Variants in NRXN1 observed in about 807,000 individuals in gnomAD.
The protein encoded by NRXN1 is neurexin 1, also known as neurexin-1.
A neutral mutation model predicts 150.9 loss-of-function variants in NRXN1; 39 were observed. The ratio of observed to expected loss-of-function variants is 0.26; its 90% confidence interval spans 0.20 to 0.34. The LOEUF (loss-of-function observed/expected upper bound fraction) is 0.34. NRXN1 is among the 10% of genes least tolerant of loss of function. The probability of loss-of-function intolerance (pLI) is 1.00; values close to 1 mark genes in which losing one functional copy is unlikely to be tolerated. For missense variants in NRXN1, 1,815 were observed against 1,949.9 expected, an observed-to-expected ratio of 0.93 and a Z score of 1.30; for synonymous variants, 924 against 757.0, an observed-to-expected ratio of 1.22 and a Z score of -3.62.
intron 8 of NRXN1, among the ~76,000 whole-genome samples, chr2:50,586,457 C>G (rs972877663): frequency 6.6e-6 from 1 of 152,040 alleles, no homozygotes; most frequent in Non-Finnish European, 1.5e-5. Context: ...GAGTCATTTT[C>G]CCTTTTGTTC....
At chr2:50,381,090 A>G (rs1292848399) in intron 17 of NRXN1, among the ~76,000 whole-genome samples, 1 of 152,138 alleles carries the variant, frequency 6.6e-6, no homozygotes, top group Non-Finnish European at 1.5e-5. Context: ...CCAGCATAAT[A>G]TCAGGGACAT....
intron 17 of NRXN1, among the ~76,000 whole-genome samples, chr2:50,256,307 T>A (rs1041124476): frequency 1.3e-5 from 2 of 152,128 alleles, no homozygotes; most frequent in South Asian, 4.1e-4. Context: ...TTAAACATAT[T>A]TAGCATTAGA....
chr2:50,768,403 A>G (rs1702606436), intron 5 of NRXN1, among the ~76,000 whole-genome samples: 1 of 151,808 alleles, frequency 6.6e-6, no homozygotes, highest in Non-Finnish European at 1.5e-5. Flanking sequence ...CCATCACCTG[A>G]GCTCTAGCCA....
rs1678402782 is a variant in NRXN1 at position 49,973,802 on chromosome 2, A to G, written c.4129-30011T>C. The stretch of plus-strand genomic sequence containing the variant: ...CACATACAGCGTGCATAAATTTGAC[A>G]TGCAATCTTCAAGAAGAAATATTTT... On this transcript the variant is annotated intron_variant, in intron 21 of 22. Coordinates refer to ENST00000401669, the MANE Select transcript of NRXN1 (RefSeq NM_001330078.2). 2.6e-5 allele frequency: 15 copies of G among 580,014 alleles called. No homozygotes were observed. The South Asian group carries it at 3.4e-4, about 13-fold the overall frequency. The allele number at this position is 580,014 out of a possible 1,614,324, so 35.9% of individuals were successfully genotyped here.
At chr2:50,899,930 T>C (rs535691757) in intron 5 of NRXN1, among the ~76,000 whole-genome samples, 2 of 152,274 alleles carry the variant, frequency 1.3e-5, no homozygotes, top group South Asian at 2.1e-4. Flanking sequence ...TCATGGGAGA[T>C]ACAGAAGATG....
intron 2 of NRXN1, 27 bp from the exon 3 acceptor site, chr2:50,925,982 G>C: frequency 6.4e-7 from 1 of 1,560,454 alleles, no homozygotes. Flanking sequence ...AGGAGGGAGA[G>C]AAAAGGAAAA....
intron 8 of NRXN1, among the ~76,000 whole-genome samples, chr2:50,591,611 A>T (rs1351625787): frequency 6.6e-6 from 1 of 152,098 alleles, no homozygotes; most frequent in Non-Finnish European, 1.5e-5. Context: ...GTTTCCTCAC[A>T]TCTTATTCCA....
At chr2:50,648,454 C>A (rs1444037061) in intron 5 of NRXN1, among the ~76,000 whole-genome samples, 1 of 151,974 alleles carries the variant, frequency 6.6e-6, no homozygotes, top group African/African-American at 2.4e-5. Flanking sequence ...ATGGAATTCA[C>A]TTTAACTATC....
chr2:50,280,639 G>C (rs905755917), intron 17 of NRXN1, among the ~76,000 whole-genome samples: 1 of 152,130 alleles, frequency 6.6e-6, no homozygotes, highest in African/African-American at 2.4e-5. Flanking sequence ...GACAACTATG[G>C]CACATCATAG....
At chr2:50,265,580 C>G (rs777236780) in intron 17 of NRXN1, among the ~76,000 whole-genome samples, 1 of 152,156 alleles carries the variant, frequency 6.6e-6, no homozygotes, top group Non-Finnish European at 1.5e-5. Flanking sequence ...GTTTCTGATT[C>G]ATTTTTGTGA....
intron 18 of NRXN1, among the ~76,000 whole-genome samples, chr2:50,188,589 C>A (rs1034626878): frequency 6.6e-6 from 1 of 151,856 alleles, no homozygotes; most frequent in Non-Finnish European, 1.5e-5. Flanking sequence ...AATAGGTAAC[C>A]TACAGAATGG....
At chr2:50,022,086 T>C (rs557558640) in intron 21 of NRXN1, among the ~76,000 whole-genome samples, 16 of 151,378 alleles carry the variant, frequency 1.1e-4, no homozygotes, top group Non-Finnish European at 2.2e-4. Context: ...CCTGACCTCA[T>C]GATCTGCCCA....
intron 8 of NRXN1, among the ~76,000 whole-genome samples, chr2:50,554,959 C>G (rs1394299603): frequency 6.6e-6 from 1 of 152,042 alleles, no homozygotes; most frequent in African/African-American, 2.4e-5. Flanking sequence ...CTTAAGAATA[C>G]TTTTTTGAAA....
At chr2:50,711,329 C>CTTT (rs765521627) in intron 5 of NRXN1, among the ~76,000 whole-genome samples, 51 of 89,830 alleles carry the variant, frequency 5.7e-4, no homozygotes, top group African/African-American at 9.7e-4. Flanking sequence ...AGGTACTGGA[C>CTTT]TTTTTTTTTT....
chr2:50,361,879 C>T (rs957655904), intron 17 of NRXN1, among the ~76,000 whole-genome samples: 4 of 152,154 alleles, frequency 2.6e-5, no homozygotes, highest in African/African-American at 9.7e-5. Context: ...AATCCAGCAG[C>T]ACATCAAAAA....
intron 22 of NRXN1, among the ~76,000 whole-genome samples, chr2:49,931,853 A>C (rs1304553434): frequency 6.6e-6 from 1 of 152,126 alleles, no homozygotes; most frequent in Non-Finnish European, 1.5e-5. Flanking sequence ...TGACTACAAC[A>C]CCCAAAAATA....
At chr2:50,692,944 G>A (rs908002647) in intron 5 of NRXN1, among the ~76,000 whole-genome samples, 4 of 152,176 alleles carry the variant, frequency 2.6e-5, no homozygotes, top group African/African-American at 9.7e-5. Flanking sequence ...AATGTGGGAA[G>A]ACACAACACT....
chr2:50,332,502 C>T (rs1294937543), intron 17 of NRXN1, among the ~76,000 whole-genome samples: 1 of 152,218 alleles, frequency 6.6e-6, no homozygotes, highest in Non-Finnish European at 1.5e-5. Flanking sequence ...TTCACCTTCA[C>T]CTAGTTGGAG....
intron 17 of NRXN1, among the ~76,000 whole-genome samples, chr2:50,383,990 G>C (rs1297435599): frequency 6.6e-6 from 1 of 152,090 alleles, no homozygotes; most frequent in Non-Finnish European, 1.5e-5. Flanking sequence ...CCTGACCTTT[G>C]TCAGATTTTG....
Sources: gnomAD v4.1 joint callset for allele counts (sites outside exome capture counted in the v4.1 genomes callset) on GRCh38, gnomAD v4.1.1 for gene constraint, MANE v1.5 for transcripts, NCBI Gene and HGNC (gene_info 2026-07-23, HGNC 2026-07-21) for gene names.